Variants in GPC5 observed in about 807,000 individuals in gnomAD.
GPC5 encodes glypican 5.
Under a neutral mutation model 53.9 loss-of-function variants are expected in GPC5, and 47 were observed. The observed-to-expected ratio is 0.87, with a 90% CI of 0.69 to 1.11. GPC5 has a LOEUF of 1.11. Among genes scored for constraint, GPC5 ranks in the 50% most tolerant of loss-of-function variants. The pLI is 0.00. For synonymous variants in GPC5, 286 were observed against 263.3 expected (o/e 1.09, Z -0.84); for missense variants, 748 against 713.1 (o/e 1.05, Z -0.56).
intron 7 of GPC5, among the ~76,000 whole-genome samples, chr13:92,440,288 C>T (rs1877494785): frequency 6.6e-6 from 1 of 152,128 alleles, no homozygotes; most frequent in Non-Finnish European, 1.5e-5. Flanking sequence ...AGTGTCTATG[C>T]TTCCCATCTT....
At chr13:92,513,698 G>A (rs750651339) in intron 7 of GPC5, among the ~76,000 whole-genome samples, 2 of 151,978 alleles carry the variant, frequency 1.3e-5, no homozygotes, top group Non-Finnish European at 2.9e-5. Flanking sequence ...TTTTTGGGGG[G>A]TTTGGGAATG....
intron 2 of GPC5, among the ~76,000 whole-genome samples, chr13:91,649,516 G>C (rs986834389): frequency 3.3e-5 from 5 of 152,172 alleles, no homozygotes; most frequent in Non-Finnish European, 7.3e-5. Flanking sequence ...ATTACTTAGA[G>C]ATCACTAACT....
chr13:91,600,488 A>AG (rs1228812803), intron 2 of GPC5, among the ~76,000 whole-genome samples: 1 of 152,156 alleles, frequency 6.6e-6, no homozygotes, highest in African/African-American at 2.4e-5. Context: ...TCTAAAAAAA[A>AG]AATGTACATC....
intron 5 of GPC5, among the ~76,000 whole-genome samples, chr13:91,864,765 G>T (rs1164518223): frequency 3.9e-5 from 6 of 152,224 alleles, no homozygotes; most frequent in Non-Finnish European, 8.8e-5. Flanking sequence ...TTCAAGTTAA[G>T]TAATTCTAAG....
At chr13:92,256,203 A>G (rs1342141423) in intron 7 of GPC5, among the ~76,000 whole-genome samples, 2 of 151,844 alleles carry the variant, frequency 1.3e-5, no homozygotes, top group Non-Finnish European at 2.9e-5. Flanking sequence ...TTTGTAGTAT[A>G]ATTACTGACA....
At chr13:91,706,988 GA>G (rs747075523) in intron 3 of GPC5, among the ~76,000 whole-genome samples, 44 of 151,696 alleles carry the variant, frequency 2.9e-4, no homozygotes, top group Non-Finnish European at 1.0e-4. Flanking sequence ...TAGAAAACTG[GA>G]AAAAACTATA....
chr13:92,281,321 G>A (rs1594063659), intron 7 of GPC5, among the ~76,000 whole-genome samples: 1 of 152,184 alleles, frequency 6.6e-6, no homozygotes. Flanking sequence ...ACCTCTGGGG[G>A]CAGGGCATAG....
intron 7 of GPC5, among the ~76,000 whole-genome samples, chr13:92,617,391 C>G (rs1318151095): frequency 6.6e-6 from 1 of 152,142 alleles, no homozygotes; most frequent in Admixed American, 6.6e-5. Flanking sequence ...TCAAAACACC[C>G]ACATTTTACT....
rs187894336 is a variant in GPC5, at chr13:92,419,690, C to T, written c.1561+274701C>T. The stretch of plus-strand genomic sequence containing the variant: ...TAGACTAGCATACTGAAATTTCTCC[C>T]TAGCCCACCAGCATGGTTTAACATT... On this transcript the variant is annotated intron_variant, in intron 7 of 7. Transcript: ENST00000377067. Among the ~76,000 whole-genome samples, 27 of 152,284 alleles carry T rather than the reference C, an allele frequency of 1.8e-4. No individual in the cohort carries two copies. The East Asian group carries it at 4.4e-3, about 25-fold the overall frequency.
In GPC5 at chr13:91,991,842, G is replaced by T. The variant is rs183123802; in HGVS notation, c.1401+83785G>T. On this transcript the variant is annotated intron_variant, in intron 6 of 7. Transcript: ENST00000377067. ...AGATAGTTAATTTCTCTGCATCTTAGGTTTCCTGCAAAATCGCTACATTTT... is the reference window on the plus strand; with the variant it reads ...AGATAGTTAATTTCTCTGCATCTTATGTTTCCTGCAAAATCGCTACATTTT... Among the ~76,000 whole-genome samples the T allele has an allele frequency of 4.2e-4, 48 of 115,306 alleles. 1 individual carries two copies. Among genetic ancestry groups the T allele is most frequent in the African/African-American group, 1.8e-3 (46 of 26,078 alleles). 75.6% of individuals were successfully genotyped at this position (115,306 alleles called of 152,430 possible). A position where few individuals can be genotyped will look rare whatever the true frequency, so the allele number is the denominator to read the frequency against.
intron 7 of GPC5, among the ~76,000 whole-genome samples, chr13:92,541,908 C>T (rs1455109571): frequency 6.6e-6 from 1 of 151,868 alleles, no homozygotes; most frequent in Non-Finnish European, 1.5e-5. Flanking sequence ...CAGTGGCATG[C>T]TTATGTTAGA....
intron 3 of GPC5, among the ~76,000 whole-genome samples, chr13:91,718,304 G>GT (rs967059435): frequency 8.5e-5 from 13 of 152,158 alleles, no homozygotes; most frequent in African/African-American, 3.1e-4. Flanking sequence ...TAGAGATGGG[G>GT]TTTCACCATG....
At chr13:91,543,605 GA>G (rs34469912) in intron 2 of GPC5, among the ~76,000 whole-genome samples, 20,565 of 152,052 alleles carry the variant, frequency 0.14, 1,786 homozygotes, top group African/African-American at 0.24. Context: ...TACTTAAGTA[GA>G]ATATGAGAAA....
At chr13:92,566,515 A>T (rs1305325882) in intron 7 of GPC5, among the ~76,000 whole-genome samples, 2 of 152,138 alleles carry the variant, frequency 1.3e-5, no homozygotes. Context: ...TGAAAGTTTC[A>T]AAAGTATTGA....
intron 7 of GPC5, among the ~76,000 whole-genome samples, chr13:92,466,934 A>G (rs1243446947): frequency 6.6e-6 from 1 of 152,136 alleles, no homozygotes; most frequent in Admixed American, 6.6e-5. Context: ...AGTTGAGACA[A>G]GAGGGTACTG....
At chr13:91,888,069 G>A (rs1037356651) in intron 5 of GPC5, among the ~76,000 whole-genome samples, 1 of 152,170 alleles carries the variant, frequency 6.6e-6, no homozygotes, top group African/African-American at 2.4e-5. Context: ...GCGAGAATGA[G>A]TAATTTACAG....
At chr13:92,430,445 C>T (rs563162321) in intron 7 of GPC5, among the ~76,000 whole-genome samples, 1 of 152,248 alleles carries the variant, frequency 6.6e-6, no homozygotes, top group African/African-American at 2.4e-5. Context: ...CAGAGTCAAT[C>T]TCAATGAAGT....
intron 4 of GPC5, among the ~76,000 whole-genome samples, chr13:91,730,904 A>G (rs1031338948): frequency 6.6e-6 from 1 of 152,224 alleles, no homozygotes; most frequent in Non-Finnish European, 1.5e-5. Flanking sequence ...CCACATTTAG[A>G]AACATTGCTG....
intron 5 of GPC5, among the ~76,000 whole-genome samples, chr13:91,827,118 G>A (rs1037328754): frequency 4.6e-5 from 7 of 151,842 alleles, no homozygotes; most frequent in African/African-American, 1.7e-4. Context: ...TGCTTGTGGT[G>A]GAAGATATCC....
Sources: gnomAD v4.1 joint callset for allele counts (sites outside exome capture counted in the v4.1 genomes callset) on GRCh38, gnomAD v4.1.1 for gene constraint, MANE v1.5 for transcripts, NCBI Gene and HGNC (gene_info 2026-07-23, HGNC 2026-07-21) for gene names.